ERC1: variants seen among roughly 807,000 people sequenced by gnomAD.
ERC1 encodes the protein ELKS/RAB6-interacting/CAST family member 1.
ERC1 carries 56 observed loss-of-function variants against 132.0 expected under a neutral mutation model. The observed-to-expected ratio is 0.42, with a 90% CI of 0.34 to 0.53. The LOEUF (loss-of-function observed/expected upper bound fraction) is 0.53, where lower values mean the gene tolerates loss of function less well. Ranked by LOEUF, ERC1 falls within the 20% of genes least tolerant of loss-of-function variation. The probability of loss-of-function intolerance (pLI) is 0.03; values close to 1 mark genes in which losing one functional copy is unlikely to be tolerated. For missense variants in ERC1, 1,202 were observed against 1,349.9 expected (o/e 0.89, Z 1.72); for synonymous variants, 478 against 476.1 (o/e 1.00, Z -0.05).
chr12:1,259,992 T>G (rs949226520), intron 13 of ERC1, among the ~76,000 whole-genome samples: 1 of 152,196 alleles, frequency 6.6e-6, no homozygotes, highest in Admixed American at 6.5e-5. Flanking sequence ...GTGTAGTTAG[T>G]CTCTAGGTTG....
intron 15 of ERC1, among the ~76,000 whole-genome samples, chr12:1,318,830 C>T (rs748535936): frequency 2.0e-5 from 3 of 151,362 alleles, no homozygotes; most frequent in Non-Finnish European, 2.9e-5. Context: ...GTGGGTCTCT[C>T]GGTGAGGCCT....
rs1441752518 is a variant in ERC1 at position 1,371,813 on chromosome 12, G to A, written c.2781-20G>A. The A allele has an allele frequency of 2.5e-6, 4 of 1,611,216 alleles. No homozygotes were observed. In the South Asian group the frequency reaches 4.4e-5, roughly 18 times the overall value. On this transcript the variant is annotated intron_variant, in intron 15 of 18. Coordinates refer to ENST00000360905, the MANE Select transcript of ERC1 (RefSeq NM_178040.4). The stretch of plus-strand genomic sequence containing the variant: ...TTGGAAGGGGTGAATGGCGCTGTTG[G>A]CATTTGCTTTCTTTTGCAGGCAAGA...
intron 8 of ERC1, among the ~76,000 whole-genome samples, chr12:1,149,149 T>A (rs983962433): frequency 2.0e-5 from 3 of 152,274 alleles, no homozygotes; most frequent in Admixed American, 6.5e-5. Context: ...ATGTATTTTT[T>A]AAAAATTATA....
At chr12:1,158,607 C>CTTTTT (rs10713768) in intron 8 of ERC1, among the ~76,000 whole-genome samples, 1 of 134,418 alleles carries the variant, frequency 7.4e-6, no homozygotes, top group Non-Finnish European at 1.6e-5. Flanking sequence ...TTTTTCTTTT[C>CTTTTT]TTTTTTTTTT....
At chr12:1,266,116 T>C (rs1219742769) in intron 14 of ERC1, among the ~76,000 whole-genome samples, 2 of 152,158 alleles carry the variant, frequency 1.3e-5, no homozygotes, top group Non-Finnish European at 2.9e-5. Flanking sequence ...GTAGGAGTTT[T>C]GGAAAAAGCT....
At position 1,140,687 on chromosome 12, in the gene ERC1, A is replaced by G. The variant is rs554223681; in HGVS notation, c.1570-933A>G. Among the ~76,000 whole-genome samples the G allele has an allele frequency of 9.1e-4, 139 of 152,316 alleles. 1 individual carries two copies. The highest frequency in any genetic ancestry group is 3.2e-3 in the African/African-American group (134 of 41,578). ...GTTAAAGATGAGAGACCATAGAACC[A>G]TACTTGATTTCTTAGATTTGCACTG... On this transcript the variant is annotated intron_variant, in intron 7 of 18. Coordinates refer to ENST00000360905, the MANE Select transcript of ERC1 (RefSeq NM_178040.4).
chr12:1,255,613 T>G (rs1226724631), intron 13 of ERC1, among the ~76,000 whole-genome samples: 3 of 144,466 alleles, frequency 2.1e-5, no homozygotes, highest in African/African-American at 7.5e-5. Flanking sequence ...CATCTGTTGC[T>G]TCCTGGCCTT....
At chr12:1,062,493 C>T (rs1418121147) in intron 2 of ERC1, among the ~76,000 whole-genome samples, 1 of 152,046 alleles carries the variant, frequency 6.6e-6, no homozygotes, top group East Asian at 1.9e-4. Flanking sequence ...TCTCCATAGA[C>T]CCAGTGGTTT....
Position 1,435,763 on chromosome 12 carries a change from C to T in ERC1, c.3025-8799C>T, listed in dbSNP as rs376594457. On this transcript the variant is annotated intron_variant, in intron 17 of 18. Coordinates refer to ENST00000360905, the MANE Select transcript of ERC1 (RefSeq NM_178040.4). ...GCTGAAGTGAGAAACAGTTTTCTGG[C>T]TGTTTCCGATGTTAGCATTAAAGAT... 1.5e-4 allele frequency among the ~76,000 whole-genome samples: 23 copies of T among 152,306 alleles called. No individual in the cohort carries two copies. The East Asian group carries it at 4.0e-3, about 27-fold the overall frequency.
At chr12:1,050,953 C>T (rs574264121) in intron 2 of ERC1, among the ~76,000 whole-genome samples, 179 of 151,840 alleles carry the variant, frequency 1.2e-3, no homozygotes, top group African/African-American at 3.6e-3. Context: ...TGCAGTGAGC[C>T]GAGATTGTGC....
intron 8 of ERC1, among the ~76,000 whole-genome samples, chr12:1,145,232 G>C (rs1051788376): frequency 1.8e-4 from 27 of 152,196 alleles, no homozygotes; most frequent in African/African-American, 5.8e-4. Context: ...GGCCAGGCTG[G>C]TCTTGAACTC....
chr12:1,119,632 A>T (rs1308133778), intron 7 of ERC1, among the ~76,000 whole-genome samples: 2 of 148,758 alleles, frequency 1.3e-5, no homozygotes, highest in East Asian at 4.0e-4. Context: ...GCTCACCACA[A>T]CCTCGCCTCC....
At chr12:1,483,335 C>G (rs1296693144) in intron 18 of ERC1, among the ~76,000 whole-genome samples, 1 of 152,144 alleles carries the variant, frequency 6.6e-6, no homozygotes. Context: ...AAGACGTGGT[C>G]TGTTGAGACC....
chr12:995,329 G>T (rs1178482978), intron 1 of ERC1, among the ~76,000 whole-genome samples: 1 of 152,110 alleles, frequency 6.6e-6, no homozygotes, highest in Non-Finnish European at 1.5e-5. Context: ...CCAGGTGAGG[G>T]TATCTCTGAC....
intron 8 of ERC1, among the ~76,000 whole-genome samples, chr12:1,154,351 T>TTA (rs1491306974): frequency 3.7e-5 from 2 of 54,096 alleles, no homozygotes; most frequent in African/African-American, 1.7e-4. Context: ...CCATGTGTGT[T>TTA]TATACACACA....
intron 7 of ERC1, among the ~76,000 whole-genome samples, chr12:1,123,518 T>G (rs1947811989): frequency 6.6e-6 from 1 of 151,984 alleles, no homozygotes; most frequent in Admixed American, 6.6e-5. Flanking sequence ...AATACAGAGA[T>G]AGAAAAAAAT....
intron 13 of ERC1, among the ~76,000 whole-genome samples, chr12:1,248,888 A>T (rs940994164): frequency 4.6e-5 from 7 of 151,818 alleles, no homozygotes; most frequent in East Asian, 1.9e-4. Context: ...ATTTATATTT[A>T]AAAAAAAATT....
At chr12:1,030,913 C>T (rs1440223654) in intron 2 of ERC1, among the ~76,000 whole-genome samples, 2 of 152,038 alleles carry the variant, frequency 1.3e-5, no homozygotes, top group Non-Finnish European at 2.9e-5. Flanking sequence ...TGTGGTAGGC[C>T]GTACCAGGTG....
chr12:1,300,208 A>G (rs2080280743), intron 15 of ERC1, among the ~76,000 whole-genome samples: 1 of 152,156 alleles, frequency 6.6e-6, no homozygotes, highest in African/African-American at 2.4e-5. Flanking sequence ...AAAAACAAGC[A>G]ATGGGGGAAA....
Sources: allele counts gnomAD v4.1 joint callset (sites outside exome capture counted in the v4.1 genomes callset), GRCh38; gene constraint gnomAD v4.1.1; transcripts MANE v1.5; gene names NCBI Gene and HGNC (gene_info 2026-07-23, HGNC 2026-07-21).